P2RY8: variants seen among roughly 807,000 people sequenced by gnomAD.
P2RY8 encodes the protein P2Y receptor family member 8.
In P2RY8, 6 loss-of-function variants were observed where a neutral mutation model predicts 10.0. The ratio of observed to expected loss-of-function variants is 0.60; its 90% CI spans 0.33 to 1.19. The LOEUF is 1.19. Among genes scored for constraint, P2RY8 ranks in the 50% most tolerant of loss-of-function variants. The pLI is 0.04. For synonymous variants in P2RY8, 276 were observed against 252.5 expected (o/e 1.09, Z -0.88); for missense variants, 456 against 542.0 (o/e 0.84, Z 1.58).
chrX:1,521,480 G>A (rs1387641446), intron 1 of P2RY8, among the ~76,000 whole-genome samples: 1 of 152,046 alleles, frequency 6.6e-6, no homozygotes, highest in Non-Finnish European at 1.5e-5. Context: ...TCCCAGTATG[G>A]ACAAACCCTA....
chrX:1,512,504 G>GCA (rs1411516318), intron 1 of P2RY8, among the ~76,000 whole-genome samples: 4 of 133,546 alleles, frequency 3.0e-5, no homozygotes, highest in African/African-American at 8.4e-5. Flanking sequence ...CTGAGATCAT[G>GCA]CCATTGCACT....
At chrX:1,487,329 T>C (rs1211466006) in intron 1 of P2RY8, among the ~76,000 whole-genome samples, 56 of 152,242 alleles carry the variant, frequency 3.7e-4, no homozygotes, top group African/African-American at 1.3e-3. Flanking sequence ...TCAGGTGACA[T>C]CGCCTGTTCT....
At chrX:1,478,676 C>T (rs1370208413) in intron 1 of P2RY8, among the ~76,000 whole-genome samples, 1 of 151,872 alleles carries the variant, frequency 6.6e-6, no homozygotes, top group East Asian at 1.9e-4. Context: ...ATGGGGGTTC[C>T]AGCATGTTGG....
At chrX:1,506,738 C>T (rs748928305) in intron 1 of P2RY8, among the ~76,000 whole-genome samples, 99 of 151,082 alleles carry the variant, frequency 6.6e-4, no homozygotes, top group African/African-American at 1.0e-3. Context: ...AGTGCAGTGG[C>T]GCAATCTTGG....
At chrX:1,468,285 CA>C (rs2091720803) in intron 1 of P2RY8, among the ~76,000 whole-genome samples, 1 of 152,208 alleles carries the variant, frequency 6.6e-6, no homozygotes, top group Admixed American at 6.5e-5. Context: ...GCCTCGCACA[CA>C]TTTAAACACC....
At chrX:1,527,317 T>C (rs749058752) in intron 1 of P2RY8, among the ~76,000 whole-genome samples, 1 of 152,046 alleles carries the variant, frequency 6.6e-6, no homozygotes, top group East Asian at 1.9e-4. Flanking sequence ...TCCACTCATC[T>C]ATCCATCCAT....
chrX:1,482,884 A>G (rs1441718348), intron 1 of P2RY8, among the ~76,000 whole-genome samples: 1 of 149,884 alleles, frequency 6.7e-6, no homozygotes, highest in East Asian at 2.0e-4. Context: ...ATAGGTGGGA[A>G]TTGAACCATG....
intron 1 of P2RY8, among the ~76,000 whole-genome samples, chrX:1,524,741 G>A (rs867456636): frequency 4.9e-5 from 3 of 61,160 alleles, no homozygotes; most frequent in Non-Finnish European, 9.7e-5. Flanking sequence ...ATACATCCAT[G>A]CATCCATCCA....
At chrX:1,482,159 T>G (rs760573904) in intron 1 of P2RY8, among the ~76,000 whole-genome samples, 52 of 111,798 alleles carry the variant, frequency 4.7e-4, no homozygotes, top group African/African-American at 1.9e-3. Context: ...TTTGTGTGTG[T>G]GGTGTGTGTG....
At chrX:1,507,030 G>GCTAAAGTTAAGATGCA in intron 1 of P2RY8, among the ~76,000 whole-genome samples, 1 of 20,556 alleles carries the variant, frequency 4.9e-5, no homozygotes, top group Non-Finnish European at 2.0e-4. Context: ...GGAGTCCATG[G>GCTAAAGTTAAGATGCA]ATTCAGGGGT....
At position 1,465,543 on chromosome X, in the gene P2RY8, G is replaced by C. The variant is rs1306654084; in HGVS notation, c.1016C>G (p.Ala339Gly). 4 of 1,612,104 alleles carry C rather than the reference G, an allele frequency of 2.5e-6. No homozygotes were observed. The highest frequency in any genetic ancestry group is 3.4e-6 in the Non-Finnish European group (4 of 1,179,718). Reference sequence around the variant, plus strand: ...GGCTCCCTCCATCCCTTCAGGGTGCGCACCGGCCTCGGAGCGCACGGACGT... The same window carrying C: ...GGCTCCCTCCATCCCTTCAGGGTGCCCACCGGCCTCGGAGCGCACGGACGT... Reference protein sequence around the residue: ...RTTSVRSEAGAHPEGMEGATR... With the variant: ...RTTSVRSEAGGHPEGMEGATR... Residue 339 changes from alanine to glycine, a missense_variant, in exon 2 of 2, where the codon GCG becomes GGG. Transcript: ENST00000381297.
chrX:1,466,336 C>G lies in P2RY8; in HGVS notation c.223G>C (p.Val75Leu), dbSNP rs753872387. ...LSVTDLMLAS[V>L]LPFQIYYHCN... ...TGGTAGTAGATTTGGAAAGGCAACA[C>G]GCTGGCCAGCATCAGGTCCGTGACG... is the stretch of plus-strand genomic sequence containing the variant. Residue 75 changes from valine (V) to leucine (L), a missense_variant, in exon 2 of 2, where the codon GTG becomes CTG. Transcript: ENST00000381297. 5 of 1,613,838 alleles carry G rather than the reference C, an allele frequency of 3.1e-6. No homozygotes were observed. The highest frequency in any genetic ancestry group is 4.2e-6 in the Non-Finnish European group (5 of 1,179,848).
Position 1,500,023 on chromosome X carries a change from TA to T in P2RY8, c.-24-33442del, listed in dbSNP as rs2092160717. ...ACAGGCGTGTACCACCATGCCCAGC[TA>T]ATTTTTTGTATTTTTAGTAGAGACG... On this transcript the variant is annotated intron_variant, in intron 1 of 1. Coordinates refer to ENST00000381297, the MANE Select transcript of P2RY8 (RefSeq NM_178129.5). Among the ~76,000 whole-genome samples the T allele has an allele frequency of 4.8e-5, 2 of 41,470 alleles. 1 individual carries two copies. Among genetic ancestry groups the T allele is most frequent in the Non-Finnish European group, 2.3e-4 (2 of 8,746 alleles). The allele number at this position is 41,470 out of a possible 152,430, so 27.2% of individuals were successfully genotyped here. A position where few individuals can be genotyped will look rare whatever the true frequency, so the allele number is the denominator to read the frequency against.
chrX:1,475,106 A>AGTGG (rs368466133), intron 1 of P2RY8, among the ~76,000 whole-genome samples: 3 of 16,374 alleles, frequency 1.8e-4, no homozygotes, highest in East Asian at 2.4e-3. Flanking sequence ...GGGATGGATA[A>AGTGG]GTGGGTGGGT....
intron 1 of P2RY8, among the ~76,000 whole-genome samples, chrX:1,468,433 C>T (rs1198293821): frequency 4.6e-5 from 7 of 152,144 alleles, no homozygotes; most frequent in Non-Finnish European, 8.8e-5. Context: ...CTGTGGCCAC[C>T]GGACAGCCCC....
chrX:1,464,858 A>C lies in P2RY8; in HGVS notation c.*621T>G. 1 of 233,768 alleles carries C rather than the reference A, an allele frequency of 4.3e-6. No individual in the cohort carries two copies. Among genetic ancestry groups the C allele is most frequent in the South Asian group, 1.8e-4 (1 of 5,550 alleles). The allele number at this position is 233,768 out of a possible 1,614,324, so 14.5% of individuals were successfully genotyped here. A position where few individuals can be genotyped will look rare whatever the true frequency, so the allele number is the denominator to read the frequency against. On this transcript the variant is annotated 3_prime_UTR_variant, in exon 2 of 2. Transcript: ENST00000381297. Reference sequence around the variant, plus strand: ...GGAGCCCCAGGCGCTCCTCTGAAAGAAGAATTCCAACCACAGCAACCACAG... The same window carrying C: ...GGAGCCCCAGGCGCTCCTCTGAAAGCAGAATTCCAACCACAGCAACCACAG...
At chrX:1,466,960 C>G (rs1417137597) in intron 1 of P2RY8, among the ~76,000 whole-genome samples, 1 of 117,870 alleles carries the variant, frequency 8.5e-6, no homozygotes, top group Non-Finnish European at 1.8e-5. Flanking sequence ...ACGTCAGAGG[C>G]TGAGACTCTT....
intron 1 of P2RY8, among the ~76,000 whole-genome samples, chrX:1,506,783 T>G (rs1332642261): frequency 6.6e-6 from 1 of 151,898 alleles, no homozygotes; most frequent in Non-Finnish European, 1.5e-5. Context: ...GTTGAAGTGA[T>G]TCTTCTGCCT....
chrX:1,462,811 T>G lies in P2RY8; in HGVS notation c.*2668A>C, dbSNP rs185429222. 3 of 232,880 alleles carry G rather than the reference T, an allele frequency of 1.3e-5. No homozygotes were observed. The highest frequency in any genetic ancestry group is 2.5e-5 in the Non-Finnish European group (3 of 117,926). 14.4% of individuals were successfully genotyped at this position (232,880 alleles called of 1,614,324 possible). ...TGTCCTGCCAAGAACAGAAGTAAAG[T>G]TTTCCATCTTAAAACATGTGTGTGA... On this transcript the variant is annotated 3_prime_UTR_variant, in exon 2 of 2. Transcript: ENST00000381297.
Sources: gnomAD v4.1 joint callset for allele counts (sites outside exome capture counted in the v4.1 genomes callset) on GRCh38, gnomAD v4.1.1 for gene constraint, MANE v1.5 for transcripts, NCBI Gene and HGNC (gene_info 2026-07-23, HGNC 2026-07-21) for gene names.